Variants in CFAP47 observed in about 807,000 individuals in gnomAD.
CFAP47 encodes the protein cilia- and flagella-associated protein 47.
Under a neutral mutation model 148.1 loss-of-function variants are expected in CFAP47, and 29 were observed. The ratio of observed to expected loss-of-function variants is 0.20; its 90% CI spans 0.15 to 0.27. CFAP47 has a LOEUF of 0.27. Ranked by LOEUF, CFAP47 falls within the 10% of genes least tolerant of loss-of-function variation. The pLI is 1.00. For missense variants in CFAP47, 1,872 were observed against 1,697.5 expected, an observed-to-expected ratio of 1.10 and a Z score of -1.81; for synonymous variants, 664 against 577.3, an observed-to-expected ratio of 1.15 and a Z score of -2.15.
At position 35,970,772 on chromosome X, in the gene CFAP47, A is replaced by G. The variant is rs926163775; in HGVS notation, c.1819A>G (p.Ile607Val). 7.7e-6 allele frequency: 9 copies of G among 1,165,768 alleles called. No homozygotes were observed. In the African/African-American group the frequency reaches 9.1e-5, roughly 12 times the overall value. ...SKDHHKHFRP[I>V]FTKVPRFNYV... ...CATGACTTGCTTATATTGCAGGCCA[A>G]TTTTCACAAAAGTTCCAAGATTTAA... The change falls in exon 11 of 64, where the codon ATT (isoleucine) becomes GTT (valine). Residue 607 changes from isoleucine (I) to valine (V), a missense_variant. By Grantham distance (29) the Ile-to-Val change is conservative (BLOSUM62 3). Coordinates refer to ENST00000378653, the MANE Select transcript of CFAP47 (RefSeq NM_001304548.2).
chrX:36,335,452 A>G (rs970522495), intron 57 of CFAP47, among the ~76,000 whole-genome samples: 1 of 111,768 alleles, frequency 8.9e-6, no homozygotes, highest in East Asian at 2.8e-4. Context: ...TAATCCCAAG[A>G]ACTATGAATA....
At chrX:36,375,028 T>G in intron 62 of CFAP47, 1 of 469,917 alleles carries the variant, frequency 2.1e-6, no homozygotes, top group Admixed American at 2.4e-5. Context: ...TGATCATCAG[T>G]GATTTCAAAT....
chrX:36,236,614 A>T (rs782295442), intron 47 of CFAP47, 72 bp from the exon 48 acceptor site: 11 of 448,233 alleles, frequency 2.5e-5, no homozygotes, highest in Non-Finnish European at 3.5e-5. Flanking sequence ...CACAAGAAGA[A>T]TAAGATAGCA....
chrX:36,065,044 A>G (rs1462648706), intron 26 of CFAP47, among the ~76,000 whole-genome samples: 2 of 112,266 alleles, frequency 1.8e-5, no homozygotes, highest in Non-Finnish European at 3.8e-5. Context: ...AGACTGATAT[A>G]TAAGAGATTT....
intron 2 of CFAP47, among the ~76,000 whole-genome samples, chrX:35,926,909 C>G (rs1935749850): frequency 9.1e-6 from 1 of 110,268 alleles, no homozygotes; most frequent in Non-Finnish European, 1.9e-5. Context: ...CTTTGGGAGG[C>G]CAAGGCGGGT....
chrX:36,350,476 C>T (rs1026442985), intron 59 of CFAP47, among the ~76,000 whole-genome samples: 1 of 110,910 alleles, frequency 9.0e-6, no homozygotes, highest in South Asian at 3.8e-4. Flanking sequence ...TTTTCGGCTT[C>T]TGTGTAACTC....
intron 10 of CFAP47, among the ~76,000 whole-genome samples, chrX:35,968,668 G>C (rs750634836): frequency 1.9e-4 from 21 of 110,602 alleles, no homozygotes; most frequent in Non-Finnish European, 3.4e-4. Flanking sequence ...TGATTTTTAG[G>C]ACATAATTGT....
At position 36,301,167 on chromosome X, in the gene CFAP47, G is replaced by C. The variant is rs1941295238; in HGVS notation, c.7958G>C (p.Cys2653Ser). The C allele has an allele frequency of 3.6e-6, 4 of 1,118,224 alleles. No homozygotes were observed. Among genetic ancestry groups the C allele is most frequent in the African/African-American group, 1.8e-5 (1 of 54,688 alleles). 92.2% of individuals were successfully genotyped at this position (1,118,224 alleles called of 1,213,427 possible). Residue 2653 changes from cysteine (C) to serine (S), a missense_variant, in exon 53 of 64, where the codon TGC becomes TCC. Transcript: ENST00000378653. Reference sequence around the variant, plus strand: ...CCAACCACAATGCCAGAAATACAGTGCGACCTTGGCAAGTAAGTTCTACTT... The same window carrying C: ...CCAACCACAATGCCAGAAATACAGTCCGACCTTGGCAAGTAAGTTCTACTT... ...PKPTTMPEIQ[C>S]DLGKHVTQII... is the part of the protein sequence containing the mutation.
chrX:36,281,260 C>G (rs958986181), intron 50 of CFAP47, among the ~76,000 whole-genome samples: 9 of 112,175 alleles, frequency 8.0e-5, no homozygotes, highest in Admixed American at 1.9e-4. Flanking sequence ...AAATGTTATA[C>G]AAAAGAAGAA....
chrX:36,172,349 G>GT (rs1211169390), intron 39 of CFAP47, among the ~76,000 whole-genome samples: 4 of 107,464 alleles, frequency 3.7e-5, no homozygotes, highest in African/African-American at 1.4e-4. Flanking sequence ...AATAGGAGAG[G>GT]TGAGAGAGGG....
At chrX:36,282,552 C>A (rs1556003822) in intron 50 of CFAP47, among the ~76,000 whole-genome samples, 1 of 111,437 alleles carries the variant, frequency 9.0e-6, no homozygotes, top group African/African-American at 3.3e-5. Flanking sequence ...TCCTTACTCT[C>A]AGACAGAATT....
intron 2 of CFAP47, among the ~76,000 whole-genome samples, chrX:35,931,277 C>T (rs1015501797): frequency 2.7e-5 from 3 of 110,467 alleles, no homozygotes; most frequent in Admixed American, 9.7e-5. Context: ...ATATAATGTC[C>T]CTCCTTGTGC....
intron 1 of CFAP47, among the ~76,000 whole-genome samples, chrX:35,920,369 T>A (rs1056445459): frequency 8.9e-6 from 1 of 111,981 alleles, no homozygotes; most frequent in Non-Finnish European, 1.9e-5. Context: ...GCTGTTGCCT[T>A]AAGAATTATG....
rs1278877035 is a variant in CFAP47, at chrX:36,367,092, A to G, written c.9150A>G (p.Glu3050=). 3 of 1,157,790 alleles carry G rather than the reference A, an allele frequency of 2.6e-6. No individual in the cohort carries two copies. In the Middle Eastern group the frequency reaches 7.0e-4, roughly 271 times the overall value. Residue 3050 remains glutamate, a synonymous_variant, in exon 62 of 64, where the codon GAA becomes GAG. Coordinates refer to ENST00000378653, the MANE Select transcript of CFAP47 (RefSeq NM_001304548.2). ...IDIEGVGLFK[E]SVFELRLKSQ... is the part of the protein sequence containing the mutation. ...TTGAAGGAGTTGGTTTATTTAAGGA[A>G]TCTGTTTTTGAACTTAGGCTGAAAA...
At chrX:36,164,430 C>T (rs1793731083) in intron 39 of CFAP47, among the ~76,000 whole-genome samples, 2 of 111,545 alleles carry the variant, frequency 1.8e-5, no homozygotes, top group African/African-American at 6.5e-5. Flanking sequence ...TCTATAGTTA[C>T]AATTTTTGTT....
At chrX:36,285,851 G>T (rs1941126873) in intron 51 of CFAP47, 125 bp downstream of exon 51, 1 of 475,618 alleles carries the variant, frequency 2.1e-6, no homozygotes, top group Non-Finnish European at 3.4e-6. Context: ...AGATAAATTA[G>T]TCAATCATAG....
intron 29 of CFAP47, among the ~76,000 whole-genome samples, chrX:36,079,631 T>C (rs1474468357): frequency 9.0e-6 from 1 of 111,584 alleles, no homozygotes; most frequent in Admixed American, 9.6e-5. Flanking sequence ...AACATCCTCC[T>C]TTAGCTCGGA....
intron 2 of CFAP47, among the ~76,000 whole-genome samples, chrX:35,940,930 A>G (rs1465748691): frequency 9.0e-6 from 1 of 111,677 alleles, no homozygotes; most frequent in Non-Finnish European, 1.9e-5. Context: ...TTTTGTAAGT[A>G]CTTACATCTT....
chrX:36,188,860 C>T (rs1010124713), intron 41 of CFAP47, among the ~76,000 whole-genome samples, 170 bp downstream of exon 41: 1 of 111,329 alleles, frequency 9.0e-6, no homozygotes, highest in Non-Finnish European at 1.9e-5. Flanking sequence ...AGTCTTTTCC[C>T]TTGATGACCC....
Sources: allele counts gnomAD v4.1 joint callset (sites outside exome capture counted in the v4.1 genomes callset), GRCh38; gene constraint gnomAD v4.1.1; transcripts MANE v1.5; gene names NCBI Gene and HGNC (gene_info 2026-07-23, HGNC 2026-07-21).